Variants in CNTN4 observed in about 807,000 individuals in gnomAD.
CNTN4 encodes the protein contactin-4.
CNTN4 carries 77 observed loss-of-function variants against 122.5 expected under a neutral mutation model. That is an observed-to-expected ratio of 0.63 (90% CI 0.52 to 0.76). CNTN4 has a LOEUF of 0.76. Ranked by LOEUF, CNTN4 falls within the 30% of genes least tolerant of loss-of-function variation. The probability of loss-of-function intolerance (pLI) is 0.00; values close to 1 mark genes in which losing one functional copy is unlikely to be tolerated. For missense variants in CNTN4, 1,256 were observed against 1,259.1 expected (o/e 1.00, Z 0.04); for synonymous variants, 512 against 447.0 (o/e 1.15, Z -1.83).
At chr3:2,117,143 G>T (rs1349942806) in intron 2 of CNTN4, among the ~76,000 whole-genome samples, 1 of 152,156 alleles carries the variant, frequency 6.6e-6, no homozygotes, top group African/African-American at 2.4e-5. Flanking sequence ...GCAAGCCTCT[G>T]GTTGCCTGTT....
At chr3:2,645,087 G>A (rs114153461) in intron 4 of CNTN4, among the ~76,000 whole-genome samples, 2,256 of 151,912 alleles carry the variant, frequency 0.015, 22 homozygotes, top group Admixed American at 0.026. Flanking sequence ...ACGAAGACTG[G>A]CACACCTTAC....
Position 2,176,777 on chromosome 3 carries a change from C to T in CNTN4, c.-145+76138C>T, listed in dbSNP as rs553670763. Among the ~76,000 whole-genome samples, 49 of 152,088 alleles carry T rather than the reference C, an allele frequency of 3.2e-4. 1 individual carries two copies. The South Asian group carries it at 0.01, about 32-fold the overall frequency. ...TTAGGAGATTGATTGCTTTGAAAAC[C>T]AACTTAAATATGAAATAAAGAAACT... is the stretch of plus-strand genomic sequence containing the variant. On this transcript the variant is annotated intron_variant, in intron 2 of 24. Transcript: ENST00000418658.
intron 6 of CNTN4, among the ~76,000 whole-genome samples, chr3:2,771,618 T>C (rs1408777826): frequency 1.3e-5 from 2 of 152,150 alleles, no homozygotes; most frequent in Non-Finnish European, 2.9e-5. Flanking sequence ...TCCAATTATG[T>C]AAATGTCTTA....
intron 7 of CNTN4, among the ~76,000 whole-genome samples, chr3:2,833,551 T>A (rs1333347394): frequency 6.6e-6 from 1 of 152,214 alleles, no homozygotes; most frequent in Non-Finnish European, 1.5e-5. Context: ...TTCATCATCC[T>A]TTTAATAGTA....
intron 3 of CNTN4, among the ~76,000 whole-genome samples, chr3:2,395,959 G>A (rs34831690): frequency 0.19 from 28,628 of 151,946 alleles, 3,373 homozygotes; most frequent in Middle Eastern, 0.29. Context: ...CCACATGCTC[G>A]TGTAGGAATG....
chr3:3,002,987 C>T (rs960069168), intron 14 of CNTN4, among the ~76,000 whole-genome samples: 1 of 152,168 alleles, frequency 6.6e-6, no homozygotes, highest in African/African-American at 2.4e-5. Context: ...GGACATTGGA[C>T]TCGGTTTGCC....
chr3:2,226,030 G>T (rs1315678810), intron 2 of CNTN4, among the ~76,000 whole-genome samples: 1 of 152,060 alleles, frequency 6.6e-6, no homozygotes, highest in Non-Finnish European at 1.5e-5. Context: ...GTTTACCAGG[G>T]ATTATTTGCC....
chr3:2,221,621 G>T (rs2039064284), intron 2 of CNTN4, among the ~76,000 whole-genome samples: 1 of 151,860 alleles, frequency 6.6e-6, no homozygotes, highest in African/African-American at 2.4e-5. Context: ...CCAAGGAGGT[G>T]GAGAAAATAC....
intron 6 of CNTN4, among the ~76,000 whole-genome samples, chr3:2,781,949 T>G (rs1219522122): frequency 6.7e-6 from 1 of 149,172 alleles, no homozygotes; most frequent in Non-Finnish European, 1.5e-5. Flanking sequence ...GGTCTCGATC[T>G]CCTGACCTCG....
intron 2 of CNTN4, among the ~76,000 whole-genome samples, chr3:2,304,844 T>G (rs1447058809): frequency 6.6e-6 from 1 of 151,234 alleles, no homozygotes; most frequent in Non-Finnish European, 1.5e-5. Context: ...ATTGTCTTTG[T>G]AATAATCTGG....
At chr3:2,141,866 T>G (rs1210518669) in intron 2 of CNTN4, among the ~76,000 whole-genome samples, 1 of 152,204 alleles carries the variant, frequency 6.6e-6, no homozygotes, top group Non-Finnish European at 1.5e-5. Context: ...CTTTTGACAG[T>G]TGCATCCATT....
At chr3:2,486,255 C>T (rs146526038) in intron 3 of CNTN4, among the ~76,000 whole-genome samples, 1 of 152,228 alleles carries the variant, frequency 6.6e-6, no homozygotes, top group East Asian at 1.9e-4. Flanking sequence ...GAGGGACAAA[C>T]CCTGGACACA....
rs578158297 is a variant in CNTN4, at chr3:2,923,591, G to A, written c.1208-2038G>A. ...CTTCCTGTTGGTGCAGTGTGGCCAC[G>A]TACTCCAACATGGGAGTGCTTATTG... On this transcript the variant is annotated intron_variant, in intron 12 of 24. Coordinates refer to ENST00000418658, the MANE Select transcript of CNTN4 (RefSeq NM_175607.3). 5.9e-5 allele frequency among the ~76,000 whole-genome samples: 9 copies of A among 152,206 alleles called. No individual in the cohort carries two copies. In the South Asian group the frequency reaches 1.5e-3, roughly 25 times the overall value.
At chr3:2,984,777 A>C (rs1342730661) in intron 13 of CNTN4, among the ~76,000 whole-genome samples, 1 of 152,224 alleles carries the variant, frequency 6.6e-6, no homozygotes, top group Non-Finnish European at 1.5e-5. Context: ...CTCACCCCTC[A>C]GAATGTTTAA....
At chr3:2,520,292 A>G (rs1452254889) in intron 3 of CNTN4, among the ~76,000 whole-genome samples, 5 of 33,074 alleles carry the variant, frequency 1.5e-4, no homozygotes, top group Admixed American at 3.7e-4. Flanking sequence ...TTTTTTTTTG[A>G]GATTGAGTTT....
chr3:2,687,665 T>C (rs1307286904), intron 4 of CNTN4, among the ~76,000 whole-genome samples: 1 of 152,120 alleles, frequency 6.6e-6, no homozygotes, highest in Non-Finnish European at 1.5e-5. Flanking sequence ...TAATAGACAA[T>C]AGTAAACATA....
chr3:2,519,749 T>C (rs1159660981), intron 3 of CNTN4, among the ~76,000 whole-genome samples: 2 of 152,176 alleles, frequency 1.3e-5, no homozygotes, highest in Non-Finnish European at 2.9e-5. Flanking sequence ...ATTTTAAATA[T>C]TGCTGTTTAT....
At chr3:3,037,515 A>C in intron 18 of CNTN4, 187 bp downstream of exon 18, 1 of 767,722 alleles carries the variant, frequency 1.3e-6, no homozygotes, top group Non-Finnish European at 2.2e-6. Flanking sequence ...GGTTTCAATC[A>C]AGAGTTGTTT....
At chr3:2,368,417 C>G (rs898263258) in intron 3 of CNTN4, among the ~76,000 whole-genome samples, 2 of 152,056 alleles carry the variant, frequency 1.3e-5, no homozygotes, top group Non-Finnish European at 2.9e-5. Context: ...CTGTGTCTAG[C>G]CATTTACGTA....
Sources: gnomAD v4.1 joint callset for allele counts (sites outside exome capture counted in the v4.1 genomes callset) on GRCh38, gnomAD v4.1.1 for gene constraint, MANE v1.5 for transcripts, NCBI Gene and HGNC (gene_info 2026-07-23, HGNC 2026-07-21) for gene names.